Variants in MYO1A observed in about 807,000 individuals in gnomAD.
MYO1A encodes unconventional myosin-Ia.
Under a neutral mutation model 138.5 loss-of-function variants are expected in MYO1A, and 127 were observed. That is an observed-to-expected ratio of 0.92 (90% CI 0.79 to 1.06). The LOEUF is 1.06. MYO1A is among the 50% of genes least tolerant of loss of function. The pLI, the probability that MYO1A is intolerant of heterozygous loss-of-function variation, is 0.00. For synonymous variants in MYO1A, 477 were observed against 497.5 expected (o/e 0.96, Z 0.55); for missense variants, 1,211 against 1,288.8 (o/e 0.94, Z 0.92).
Position 57,028,815 on chromosome 12 carries a change from G to T in MYO1A, c.3072C>A (p.Asp1024Glu), listed in dbSNP as rs778773547. ...TTTTTTTGTAGCGTAGCTTGCTGTT[G>T]TCACCACCTGCAGGGCCCTGGACGA... Reference protein sequence around the residue: ...VKVVQGPAGGDNSKLRYKKKG... With the variant: ...VKVVQGPAGGENSKLRYKKKG... Residue 1024 changes from aspartate to glutamate, a missense_variant, in exon 28 of 28, where the codon GAC (aspartate) becomes GAA (glutamate). Transcript: ENST00000300119. 140 of 1,613,868 alleles carry T rather than the reference G, an allele frequency of 8.7e-5. No individual in the cohort carries two copies. Among genetic ancestry groups the T allele is most frequent in the African/African-American group, 3.1e-4 (23 of 74,846 alleles).
At chr12:57,037,232 A>T in intron 19 of MYO1A, 141 bp from the exon 20 acceptor site, 2 of 1,111,784 alleles carry the variant, frequency 1.8e-6, no homozygotes, top group South Asian at 2.8e-5. Flanking sequence ...TCATTTATTC[A>T]TTCAGTAAAC....
rs1592487250 is a variant in MYO1A, at chr12:57,049,903, G to T, written c.-37C>A. 1 of 152,204 alleles carries T rather than the reference G, an allele frequency of 6.6e-6. No individual in the cohort carries two copies. Among genetic ancestry groups the T allele is most frequent in the South Asian group, 2.1e-4 (1 of 4,828 alleles). 9.4% of individuals were successfully genotyped at this position (152,204 alleles called of 1,614,324 possible). ...AGGACTCACCCAACACTGGAACTAG[G>T]GTATAACTTCACTGTCCTTGGAGAA... On this transcript the variant is annotated 5_prime_UTR_variant, in exon 1 of 28. Coordinates refer to ENST00000300119, the MANE Select transcript of MYO1A (RefSeq NM_005379.4).
chr12:57,048,196 CA>C lies in MYO1A; in HGVS notation c.114+13del, dbSNP rs762246022. On this transcript the variant is annotated intron_variant, in intron 2 of 27. Coordinates refer to ENST00000300119, the MANE Select transcript of MYO1A (RefSeq NM_005379.4). ...CCACATATCCACAGCCAGAGGCACCCATATGACACTCACATAAATCTCCTTG... is the reference window on the plus strand; with the variant it reads ...CCACATATCCACAGCCAGAGGCACCCTATGACACTCACATAAATCTCCTTG... 9.3e-6 allele frequency: 15 copies of C among 1,608,992 alleles called. No individual in the cohort carries two copies. The highest frequency in any genetic ancestry group is 1.3e-5 in the Non-Finnish European group (15 of 1,175,402).
At chr12:57,041,149 G>A (rs2030838441) in intron 14 of MYO1A, 35 bp downstream of exon 14, 1 of 1,524,224 alleles carries the variant, frequency 6.6e-7, no homozygotes, top group Non-Finnish European at 9.1e-7. Flanking sequence ...CCTAGAAGTT[G>A]TTTAAGAGGG....
At position 57,047,995 on chromosome 12, in the gene MYO1A, G is replaced by A. The variant is rs767314164; in HGVS notation, c.224C>T (p.Pro75Leu). 6.2e-7 allele frequency: 1 copy of A among 1,613,554 alleles called. No homozygotes were observed. Among genetic ancestry groups the A allele is most frequent in the Non-Finnish European group, 8.5e-7 (1 of 1,179,498 alleles). Residue 75 changes from proline to leucine, a missense_variant, in exon 3 of 28, where the codon CCC (proline) becomes CTC (leucine). By Grantham distance (98) the Pro-to-Leu change is moderately conservative. Coordinates refer to ENST00000300119, the MANE Select transcript of MYO1A (RefSeq NM_005379.4). ...YQDYTFYELK[P>L]HIYALANVAY... Reference sequence around the variant, plus strand: ...CCTTGGTCCCCCTACTCACATATGGGGCTTCAGCTCATAGAAAGTATAGTC... The same window carrying A: ...CCTTGGTCCCCCTACTCACATATGGAGCTTCAGCTCATAGAAAGTATAGTC...
intron 22 of MYO1A, among the ~76,000 whole-genome samples, chr12:57,032,424 T>C (rs1329090174): frequency 2.0e-5 from 3 of 152,144 alleles, no homozygotes; most frequent in South Asian, 2.1e-4. Flanking sequence ...AATAAATATA[T>C]AGTGTGATGT....
At chr12:57,030,371 G>C in intron 23 of MYO1A, 55 bp from the exon 24 acceptor site, 1 of 1,376,676 alleles carries the variant, frequency 7.3e-7, no homozygotes, top group Non-Finnish European at 1.0e-6. Flanking sequence ...GCAGGGCTGG[G>C]GAGGGAGGTG....
Position 57,029,592 on chromosome 12 carries a change from G to T in MYO1A, c.2725-5C>A, listed in dbSNP as rs756986110. On this transcript the variant is annotated splice_polypyrimidine_tract_variant and splice_region_variant and intron_variant, in intron 25 of 27. Transcript: ENST00000300119. The stretch of plus-strand genomic sequence containing the variant: ...GAGGAGAATCCGAGAAGAAGTCTAG[G>T]GACGGAACAGGCAAGGGTGAGGAAA... 10 of 1,614,092 alleles carry T rather than the reference G, an allele frequency of 6.2e-6. No homozygotes were observed. In the Admixed American group the frequency reaches 1.3e-4, roughly 22 times the overall value.
chr12:57,044,816 CAATAAA>C (rs2031023656), intron 8 of MYO1A, among the ~76,000 whole-genome samples: 2 of 152,254 alleles, frequency 1.3e-5, no homozygotes, highest in South Asian at 4.1e-4. Flanking sequence ...GGGTTCTAAA[CAATAAA>C]AATAAACAAG....
In MYO1A at chr12:57,046,892, C is replaced by T. The variant is rs773237036; in HGVS notation, c.512G>A (p.Gly171Glu). Residue 171 changes from glycine (G) to glutamate (E), a missense_variant, in exon 7 of 28, where the codon GGA (glycine) becomes GAA (glutamate). Gly to Glu is a moderately conservative substitution (Grantham distance 98). Coordinates refer to ENST00000300119, the MANE Select transcript of MYO1A (RefSeq NM_005379.4). The part of the protein sequence containing the change: ...KYMDIEFDFK[G>E]SPLGGVITNY... ...TGTGATGACACCACCGAGGGGGGAT[C>T]CCTTGAAGTCAAATTCAATATCCAT... is the stretch of plus-strand genomic sequence containing the variant. 10 of 1,613,960 alleles carry T rather than the reference C, an allele frequency of 6.2e-6. No individual in the cohort carries two copies. Among genetic ancestry groups the T allele is most frequent in the Middle Eastern group, 1.6e-4 (1 of 6,082 alleles).
rs759362404 is a variant in MYO1A at position 57,029,840 on chromosome 12, C to T, written c.2624G>A (p.Gly875Glu). Residue 875 changes from glycine to glutamate, a missense_variant, in exon 25 of 28, where the codon GGG (glycine) becomes GAG (glutamate). By Grantham distance (98) the Gly-to-Glu change is moderately conservative (BLOSUM62 -2). Transcript: ENST00000300119. ...CTGCAGCTTGGGGTTCCCTTGCAGC[C>T]CAATGTAGTCACCACAGAATGGAAT... ...VPIPFCGDYIGLQGNPKLQKL... is the reference protein window; with the variant it reads ...VPIPFCGDYIELQGNPKLQKL... The T allele has an allele frequency of 3.5e-5, 56 of 1,614,190 alleles. No homozygotes were observed. Among genetic ancestry groups the T allele is most frequent in the Non-Finnish European group, 4.7e-5 (55 of 1,180,040 alleles).
upstream of MYO1A, chr12:57,050,852 G>A (rs1387598325): frequency 1.3e-5 from 2 of 152,204 alleles, no homozygotes; most frequent in East Asian, 3.8e-4. Context: ...GACTCAGAGA[G>A]GTTACACAAT....
intron 24 of MYO1A, 127 bp downstream of exon 24, chr12:57,030,083 A>T: frequency 8.3e-7 from 1 of 1,211,944 alleles, no homozygotes; most frequent in Admixed American, 1.9e-5. Flanking sequence ...GACCTGCTGG[A>T]TCAGAGACTC....
At chr12:57,036,108 C>T (rs1333445526) in intron 22 of MYO1A, among the ~76,000 whole-genome samples, 199 bp downstream of exon 22, 1 of 152,220 alleles carries the variant, frequency 6.6e-6, no homozygotes, top group East Asian at 1.9e-4. Context: ...TGCCAAAATG[C>T]TATCTGATTC....
At chr12:57,048,919 T>C (rs2031238457) in intron 1 of MYO1A, among the ~76,000 whole-genome samples, 1 of 152,176 alleles carries the variant, frequency 6.6e-6, no homozygotes, top group African/African-American at 2.4e-5. Context: ...ATTTTTAAAA[T>C]GGGAACTTGA....
At position 57,043,083 on chromosome 12, in the gene MYO1A, CAT is replaced by C. The variant is rs750093712; in HGVS notation, c.1085_1086del (p.Asn362ArgfsTer18). ...RLFDWIVNRI[N>X]ESIKVGIGEK... is the part of the protein sequence containing the mutation. Reference sequence around the variant, plus strand: ...GAGCGGCCACTTGCCTTGATGCTCTCATTGATTCGATTCACTATCCAGTCAAA... The same window carrying C: ...GAGCGGCCACTTGCCTTGATGCTCTCTGATTCGATTCACTATCCAGTCAAA... On this transcript the variant is annotated frameshift_variant, in exon 12 of 28. Coordinates refer to ENST00000300119, the MANE Select transcript of MYO1A (RefSeq NM_005379.4). LOFTEE classifies it high-confidence loss of function. 3 of 1,614,162 alleles carry C rather than the reference CAT, an allele frequency of 1.9e-6. No individual in the cohort carries two copies. Among genetic ancestry groups the C allele is most frequent in the South Asian group, 2.2e-5 (2 of 91,082 alleles).
At chr12:57,043,740 G>A in intron 10 of MYO1A, 116 bp downstream of exon 10, 1 of 1,358,216 alleles carries the variant, frequency 7.4e-7, no homozygotes, top group East Asian at 2.4e-5. Context: ...CTCAGGAGTG[G>A]GCTGAGTGGG....
intron 22 of MYO1A, 104 bp from the exon 23 acceptor site, chr12:57,031,278 C>A (rs977519537): frequency 7.1e-7 from 1 of 1,400,664 alleles, no homozygotes. Flanking sequence ...AGTTAACCCA[C>A]AGTGAGAAGC....
chr12:57,043,832 G>A (rs760799913), intron 10 of MYO1A, 24 bp downstream of exon 10: 2 of 1,613,854 alleles, frequency 1.2e-6, no homozygotes, highest in Non-Finnish European at 1.7e-6. Flanking sequence ...CTGGGTAGGA[G>A]CTCCAGCAGG....
Sources: allele counts gnomAD v4.1 joint callset (sites outside exome capture counted in the v4.1 genomes callset), GRCh38; gene constraint gnomAD v4.1.1; transcripts MANE v1.5; gene names NCBI Gene and HGNC (gene_info 2026-07-23, HGNC 2026-07-21).